THSD7B: variants seen among roughly 807,000 people sequenced by gnomAD.
THSD7B encodes thrombospondin type-1 domain-containing protein 7B.
Under a neutral mutation model 213.6 loss-of-function variants are expected in THSD7B, and 138 were observed. The observed-to-expected ratio is 0.65, with a 90% CI of 0.56 to 0.74. THSD7B has a LOEUF of 0.74. Among genes scored for constraint, THSD7B ranks in the 30% least tolerant of loss-of-function variants. The pLI, the probability that THSD7B is intolerant of heterozygous loss-of-function variation, is 0.00. For synonymous variants in THSD7B, 742 were observed against 687.0 expected, an observed-to-expected ratio of 1.08 and a Z score of -1.25; for missense variants, 1,931 against 1,991.5, an observed-to-expected ratio of 0.97 and a Z score of 0.58.
At chr2:137,516,551 AG>A (rs1246676505) in intron 15 of THSD7B, among the ~76,000 whole-genome samples, 1 of 152,192 alleles carries the variant, frequency 6.6e-6, no homozygotes, top group Non-Finnish European at 1.5e-5. Context: ...CCTTGATTTC[AG>A]GGGACCCAAA....
chr2:137,534,454 G>A lies in THSD7B; in HGVS notation c.3139-28767G>A, dbSNP rs369809565. Among the ~76,000 whole-genome samples the A allele has an allele frequency of 1.2e-4, 18 of 151,764 alleles. No individual in the cohort carries two copies. In the East Asian group the frequency reaches 3.3e-3, roughly 28 times the overall value. ...TTTTTTTCCATTTTTTCTCTGAGGAGACAGCAAAATACAGGTTCTCTGAGG... is the reference window on the plus strand; with the variant it reads ...TTTTTTTCCATTTTTTCTCTGAGGAAACAGCAAAATACAGGTTCTCTGAGG... On this transcript the variant is annotated intron_variant, in intron 15 of 27. Transcript: ENST00000409968.
intron 12 of THSD7B, among the ~76,000 whole-genome samples, chr2:137,318,204 C>A (rs1684172777): frequency 6.6e-6 from 1 of 152,176 alleles, no homozygotes; most frequent in Non-Finnish European, 1.5e-5. Flanking sequence ...CAAATGATAT[C>A]ATCAGGGCTT....
At chr2:136,780,568 A>G (rs1307291642) in intron 1 of THSD7B, among the ~76,000 whole-genome samples, 1 of 152,120 alleles carries the variant, frequency 6.6e-6, no homozygotes, top group African/African-American at 2.4e-5. Context: ...TTCCCTAATG[A>G]TCACCTCTCT....
At chr2:136,975,536 T>C (rs1685467253) in intron 2 of THSD7B, among the ~76,000 whole-genome samples, 1 of 152,180 alleles carries the variant, frequency 6.6e-6, no homozygotes, top group Non-Finnish European at 1.5e-5. Flanking sequence ...TTCTGTTCCA[T>C]TGGTCTATGT....
chr2:137,246,537 C>T (rs1682044316), intron 10 of THSD7B, among the ~76,000 whole-genome samples: 1 of 152,132 alleles, frequency 6.6e-6, no homozygotes, highest in Admixed American at 6.6e-5. Flanking sequence ...CGGCTTGATT[C>T]AAGAGCTAAA....
chr2:137,418,482 A>C (rs550987899), intron 14 of THSD7B, among the ~76,000 whole-genome samples: 5 of 152,212 alleles, frequency 3.3e-5, no homozygotes, highest in Non-Finnish European at 7.3e-5. Context: ...AATTTGAAAC[A>C]CTCATATAAT....
chr2:137,271,429 AAT>A (rs1236217640), intron 10 of THSD7B, among the ~76,000 whole-genome samples: 1 of 135,726 alleles, frequency 7.4e-6, no homozygotes. Flanking sequence ...ATAATTATAT[AAT>A]ATATATAATA....
chr2:136,846,523 A>G (rs1476027635), intron 1 of THSD7B, among the ~76,000 whole-genome samples: 1 of 152,198 alleles, frequency 6.6e-6, no homozygotes, highest in Admixed American at 6.6e-5. Context: ...TGAAGCTAAT[A>G]CTAAATAATT....
chr2:137,665,695 G>T (rs1683433086), intron 26 of THSD7B, among the ~76,000 whole-genome samples: 1 of 151,954 alleles, frequency 6.6e-6, no homozygotes, highest in Admixed American at 6.6e-5. Flanking sequence ...TAAATTATAT[G>T]AATTACATGA....
At chr2:137,064,309 T>C (rs2104884535) in intron 3 of THSD7B, among the ~76,000 whole-genome samples, 1 of 152,268 alleles carries the variant, frequency 6.6e-6, no homozygotes, top group Admixed American at 6.5e-5. Flanking sequence ...TGTATTCTTT[T>C]GAGAAATGTC....
intron 20 of THSD7B, among the ~76,000 whole-genome samples, chr2:137,626,055 A>C (rs1403757006): frequency 6.6e-6 from 1 of 152,220 alleles, no homozygotes; most frequent in Admixed American, 6.5e-5. Context: ...TGTGGGTAGC[A>C]GATCTCTGAG....
At chr2:136,902,226 G>A (rs367910051) in intron 2 of THSD7B, among the ~76,000 whole-genome samples, 3 of 152,158 alleles carry the variant, frequency 2.0e-5, no homozygotes, top group East Asian at 1.9e-4. Context: ...TGAATTTATC[G>A]GATATATAGG....
At chr2:137,160,752 T>C (rs913506877) in intron 6 of THSD7B, among the ~76,000 whole-genome samples, 8 of 152,190 alleles carry the variant, frequency 5.3e-5, no homozygotes, top group African/African-American at 1.9e-4. Flanking sequence ...GCCTCCCAAG[T>C]AGCTGGGATT....
intron 17 of THSD7B, among the ~76,000 whole-genome samples, chr2:137,606,909 A>C (rs954365573): frequency 6.6e-6 from 1 of 152,124 alleles, no homozygotes; most frequent in Non-Finnish European, 1.5e-5. Flanking sequence ...CTGTCACCTA[A>C]GGACCCTTTG....
intron 15 of THSD7B, among the ~76,000 whole-genome samples, chr2:137,495,733 C>G (rs575564090): frequency 6.6e-6 from 1 of 152,006 alleles, no homozygotes; most frequent in Non-Finnish European, 1.5e-5. Flanking sequence ...GGTTACACAA[C>G]AAAAAGGGAC....
Position 137,618,385 on chromosome 2 carries a change from C to T in THSD7B, c.3566-7C>T, listed in dbSNP as rs769956396. On this transcript the variant is annotated splice_region_variant and splice_polypyrimidine_tract_variant and intron_variant, in intron 18 of 27. Coordinates refer to ENST00000409968, the MANE Select transcript of THSD7B (RefSeq NM_001316349.2). ...GAAACTCAGTGTGGGTGATCCTATGCCTGTAGAGTGGAGCACATGCCAGCT... is the reference window on the plus strand; with the variant it reads ...GAAACTCAGTGTGGGTGATCCTATGTCTGTAGAGTGGAGCACATGCCAGCT... 1.9e-6 allele frequency: 3 copies of T among 1,612,722 alleles called. No individual in the cohort carries two copies. The Admixed American group carries it at 5.0e-5, about 27-fold the overall frequency.
intron 22 of THSD7B, 53 bp from the exon 23 acceptor site, chr2:137,656,743 C>A (rs1218022868): frequency 1.3e-6 from 2 of 1,547,938 alleles, no homozygotes; most frequent in East Asian, 2.3e-5. Flanking sequence ...CAAATGTTGT[C>A]CAGTGCCACT....
chr2:137,353,242 G>A (rs1685052845), intron 12 of THSD7B, among the ~76,000 whole-genome samples: 1 of 152,074 alleles, frequency 6.6e-6, no homozygotes, highest in Non-Finnish European at 1.5e-5. Context: ...AATGAGTATG[G>A]TGGAATTGCC....
chr2:137,338,854 G>A (rs770771209), intron 12 of THSD7B, among the ~76,000 whole-genome samples: 2 of 152,012 alleles, frequency 1.3e-5, no homozygotes, highest in Admixed American at 6.6e-5. Flanking sequence ...ACAAAGGACA[G>A]GAAATGTGAC....
Sources: allele counts gnomAD v4.1 joint callset (sites outside exome capture counted in the v4.1 genomes callset), GRCh38; gene constraint gnomAD v4.1.1; transcripts MANE v1.5; gene names NCBI Gene and HGNC (gene_info 2026-07-23, HGNC 2026-07-21).